SMOC2: variants seen among roughly 807,000 people sequenced by gnomAD.
SMOC2 encodes SPARC related modular calcium binding 2, also known as SPARC-related modular calcium-binding protein 2.
SMOC2 carries 39 observed loss-of-function variants against 61.4 expected under a neutral mutation model. The ratio of observed to expected loss-of-function variants is 0.64; its 90% confidence interval spans 0.49 to 0.83. The LOEUF is 0.83. SMOC2 is among the 40% of genes least tolerant of loss of function. SMOC2 has a pLI of 0.00. For missense variants in SMOC2, 556 were observed against 592.9 expected (o/e 0.94, Z 0.65); for synonymous variants, 247 against 239.9 (o/e 1.03, Z -0.27).
At chr6:168,606,922 C>T (rs1785708567) in intron 8 of SMOC2, among the ~76,000 whole-genome samples, 1 of 152,106 alleles carries the variant, frequency 6.6e-6, no homozygotes, top group Non-Finnish European at 1.5e-5. Flanking sequence ...ACGTGCCTGA[C>T]ACTCATGGAT....
At chr6:168,518,908 TGTGA>T (rs779646461) in intron 2 of SMOC2, among the ~76,000 whole-genome samples, 48 of 150,974 alleles carry the variant, frequency 3.2e-4, no homozygotes, top group Non-Finnish European at 4.7e-4. Flanking sequence ...TGCGTGCATG[TGTGA>T]GTGAGCATGA....
chr6:168,459,615 A>G (rs1268413223), intron 1 of SMOC2, among the ~76,000 whole-genome samples: 186 of 38,896 alleles, frequency 4.8e-3, no homozygotes, highest in Non-Finnish European at 6.2e-3. Context: ...GGGGTGGGTG[A>G]GCCCTGGGGT....
chr6:168,615,062 T>C (rs368678796), intron 9 of SMOC2, among the ~76,000 whole-genome samples: 11 of 88,836 alleles, frequency 1.2e-4, no homozygotes, highest in South Asian at 8.8e-4. Context: ...GCACAGGGCC[T>C]CTTCATACTT....
At chr6:168,444,076 G>C (rs151303381) in intron 1 of SMOC2, among the ~76,000 whole-genome samples, 4 of 152,292 alleles carry the variant, frequency 2.6e-5, no homozygotes, top group African/African-American at 9.6e-5. Flanking sequence ...TGCATATAGC[G>C]TTGTGGCATT....
intron 1 of SMOC2, among the ~76,000 whole-genome samples, chr6:168,473,761 G>C (rs1263880560): frequency 3.3e-5 from 5 of 152,108 alleles, no homozygotes; most frequent in Non-Finnish European, 5.9e-5. Flanking sequence ...CAAAGCCAGT[G>C]CTGCCAAGGA....
chr6:168,447,662 A>G (rs752602331), intron 1 of SMOC2, among the ~76,000 whole-genome samples: 10 of 151,998 alleles, frequency 6.6e-5, no homozygotes, highest in Non-Finnish European at 1.3e-4. Flanking sequence ...AATAATAACA[A>G]AGTTTCTGAA....
At chr6:168,448,554 TGGG>T (rs1781387406) in intron 1 of SMOC2, among the ~76,000 whole-genome samples, 1 of 80,390 alleles carries the variant, frequency 1.2e-5, no homozygotes, top group Non-Finnish European at 2.5e-5. Flanking sequence ...AGGACGGAGA[TGGG>T]GAGGAGGACA....
At chr6:168,560,359 G>A (rs370065482) in intron 7 of SMOC2, among the ~76,000 whole-genome samples, 7 of 152,334 alleles carry the variant, frequency 4.6e-5, no homozygotes, top group South Asian at 2.1e-4. Flanking sequence ...TATATGTTGC[G>A]TCTGCATCAA....
At chr6:168,638,722 C>T (rs971907833) in intron 9 of SMOC2, among the ~76,000 whole-genome samples, 3 of 152,080 alleles carry the variant, frequency 2.0e-5, no homozygotes, top group Non-Finnish European at 4.4e-5. Flanking sequence ...CTGGGGTGGG[C>T]GGCTGACAGG....
intron 4 of SMOC2, among the ~76,000 whole-genome samples, chr6:168,528,245 A>G (rs952706085): frequency 2.0e-5 from 3 of 149,124 alleles, no homozygotes; most frequent in Non-Finnish European, 3.0e-5. Flanking sequence ...AAAATCTGTA[A>G]AATATTCTCT....
chr6:168,549,614 G>T (rs1181796439), intron 7 of SMOC2, among the ~76,000 whole-genome samples: 1 of 152,144 alleles, frequency 6.6e-6, no homozygotes, highest in Non-Finnish European at 1.5e-5. Flanking sequence ...AGAGGAGGAG[G>T]GGCTGGCCTT....
chr6:168,626,440 AT>A (rs1254656614), intron 9 of SMOC2, among the ~76,000 whole-genome samples: 3 of 152,152 alleles, frequency 2.0e-5, no homozygotes, highest in Non-Finnish European at 4.4e-5. Context: ...AGACAGCTGC[AT>A]TTTTCTCTAT....
Position 168,608,159 on chromosome 6 carries a change from A to G in SMOC2, c.827A>G (p.Tyr276Cys). The change falls in exon 9 of 13, where the codon TAC becomes TGC. Residue 276 changes from tyrosine (Y) to cysteine (C), a missense_variant and splice_region_variant. Tyr to Cys is a radical substitution (Grantham distance 194). Coordinates refer to ENST00000356284, the MANE Select transcript of SMOC2 (RefSeq NM_001166412.2). ...CCCCGCCTTCCCCCCGCCCATAGGT[A>G]CGAGCAGCCGAAATGTGACAACACG... Reference protein sequence around the residue: ...GRPIPGTSTRYEQPKCDNTAR... With the variant: ...GRPIPGTSTRCEQPKCDNTAR... The G allele has an allele frequency of 6.2e-7, 1 of 1,613,440 alleles. No homozygotes were observed. Among genetic ancestry groups the G allele is most frequent in the Non-Finnish European group, 8.5e-7 (1 of 1,179,836 alleles).
intron 2 of SMOC2, among the ~76,000 whole-genome samples, chr6:168,523,137 G>A (rs1285417213): frequency 1.9e-5 from 2 of 107,752 alleles, no homozygotes; most frequent in African/African-American, 5.9e-5. Flanking sequence ...GCCGGACTGC[G>A]GACTGCAGTG....
intron 9 of SMOC2, among the ~76,000 whole-genome samples, chr6:168,632,858 C>A (rs1048090664): frequency 1.3e-5 from 2 of 152,170 alleles, no homozygotes; most frequent in Non-Finnish European, 2.9e-5. Context: ...AGCTATTGAA[C>A]CAGATGTGAA....
In SMOC2 at chr6:168,549,360, C is replaced by CA. The variant is rs1469352183; in HGVS notation, c.637+159dup. Among the ~76,000 whole-genome samples, 6 of 152,076 alleles carry CA rather than the reference C, an allele frequency of 3.9e-5. No homozygotes were observed. The East Asian group carries it at 1.2e-3, about 29-fold the overall frequency. ...GGCACAAACATCTGAGGATAACTTTCAACTCCCCCCAAAATAATAACCTCT... is the reference window on the plus strand; with the variant it reads ...GGCACAAACATCTGAGGATAACTTTCAAACTCCCCCCAAAATAATAACCTCT... On this transcript the variant is annotated intron_variant, in intron 7 of 12. Transcript: ENST00000356284.
At chr6:168,585,890 C>A (rs1785037451) in intron 7 of SMOC2, among the ~76,000 whole-genome samples, 1 of 152,176 alleles carries the variant, frequency 6.6e-6, no homozygotes, top group African/African-American at 2.4e-5. Context: ...GTTTATAGCA[C>A]CTGGAGTCTT....
At chr6:168,514,665 G>A (rs2749266) in intron 2 of SMOC2, among the ~76,000 whole-genome samples, 1 of 152,084 alleles carries the variant, frequency 6.6e-6, no homozygotes, top group African/African-American at 2.4e-5. Context: ...ACAAGTGATC[G>A]CCTATGAAGT....
chr6:168,531,556 C>T (rs1783602770), intron 4 of SMOC2, among the ~76,000 whole-genome samples: 1 of 152,100 alleles, frequency 6.6e-6, no homozygotes, highest in Non-Finnish European at 1.5e-5. Flanking sequence ...AGGAAAGACC[C>T]AGGGGGGATT....
Sources: gnomAD v4.1 joint callset for allele counts (sites outside exome capture counted in the v4.1 genomes callset) on GRCh38, gnomAD v4.1.1 for gene constraint, MANE v1.5 for transcripts, NCBI Gene and HGNC (gene_info 2026-07-23, HGNC 2026-07-21) for gene names.